Variants in PRELID2 observed in about 807,000 individuals in gnomAD.
PRELID2 encodes the protein PRELI domain-containing protein 2.
A neutral mutation model predicts 28.4 loss-of-function variants in PRELID2; 25 were observed. The observed-to-expected ratio is 0.88, with a 90% CI of 0.64 to 1.23. The LOEUF (loss-of-function observed/expected upper bound fraction) is 1.23, where lower values mean the gene tolerates loss of function less well. PRELID2 is among the 50% of genes most tolerant of loss of function. The probability of loss-of-function intolerance (pLI) is 0.00; values close to 1 mark genes in which losing one functional copy is unlikely to be tolerated. For synonymous variants in PRELID2, 76 were observed against 71.6 expected (o/e 1.06, Z -0.31); for missense variants, 201 against 214.4 (o/e 0.94, Z 0.39).
intron 1 of PRELID2, among the ~76,000 whole-genome samples, chr5:145,651,062 T>C (rs1754287914): frequency 1.3e-5 from 2 of 152,174 alleles, no homozygotes; most frequent in African/African-American, 4.8e-5. Flanking sequence ...CTCACCCTAA[T>C]ACTGTGCTTT....
chr5:145,612,622 C>T (rs1219264315), intron 1 of PRELID2, among the ~76,000 whole-genome samples: 1 of 152,064 alleles, frequency 6.6e-6, no homozygotes, highest in South Asian at 2.1e-4. Flanking sequence ...TTCCACCCTT[C>T]CCCCCAAGCC....
At chr5:145,707,935 T>G (rs894917779) in intron 1 of PRELID2, among the ~76,000 whole-genome samples, 4 of 152,294 alleles carry the variant, frequency 2.6e-5, no homozygotes, top group African/African-American at 9.6e-5. Flanking sequence ...CACACAATCT[T>G]GCCTTGTTCA....
intron 1 of PRELID2, among the ~76,000 whole-genome samples, chr5:145,561,920 T>C (rs1176898668): frequency 6.6e-6 from 1 of 152,206 alleles, no homozygotes; most frequent in African/African-American, 2.4e-5. Context: ...TCATGCATTT[T>C]GGAGGGGCAA....
the PRELID2 span, among the ~76,000 whole-genome samples, chr5:145,308,381 T>A: frequency 6.6e-6 from 1 of 152,228 alleles, no homozygotes; most frequent in Non-Finnish European, 1.5e-5. Context: ...TTGCCTTCCT[T>A]TTCTGTAACG....
the PRELID2 span, among the ~76,000 whole-genome samples, chr5:145,417,427 C>A: frequency 6.6e-6 from 1 of 152,072 alleles, no homozygotes; most frequent in African/African-American, 2.4e-5. Context: ...ATACCAAAAC[C>A]TGGCAGAGAT....
intron 1 of PRELID2, among the ~76,000 whole-genome samples, chr5:145,638,241 C>T (rs547383596): frequency 6.6e-6 from 1 of 152,218 alleles, no homozygotes; most frequent in East Asian, 1.9e-4. Context: ...TAGGAGATGC[C>T]TAACTTAAGC....
chr5:145,310,808 A>G, the PRELID2 span, among the ~76,000 whole-genome samples: 9 of 152,116 alleles, frequency 5.9e-5, no homozygotes, highest in African/African-American at 2.2e-4. Context: ...GTTATTTCAC[A>G]TTAATTAAGA....
the PRELID2 span, among the ~76,000 whole-genome samples, chr5:145,355,945 C>A: frequency 6.6e-6 from 1 of 152,054 alleles, no homozygotes; most frequent in Non-Finnish European, 1.5e-5. Flanking sequence ...AAGGCCATGT[C>A]TACTCCACTC....
chr5:145,515,942 T>A (rs1752511902), intron 1 of PRELID2, among the ~76,000 whole-genome samples: 1 of 152,084 alleles, frequency 6.6e-6, no homozygotes, highest in African/African-American at 2.4e-5. Context: ...ATTCAACAAT[T>A]CTTTATGCTA....
chr5:145,230,022 C>T, the PRELID2 span: 9 of 715,532 alleles, frequency 1.3e-5, no homozygotes, highest in South Asian at 2.8e-5. Flanking sequence ...GAAGGAATAC[C>T]ATTGTCTCCA....
intron 1 of PRELID2, among the ~76,000 whole-genome samples, chr5:145,684,683 T>C (rs1228927509): frequency 6.6e-6 from 1 of 152,168 alleles, no homozygotes; most frequent in Non-Finnish European, 1.5e-5. Flanking sequence ...CTTAAATCCA[T>C]CCCACTTAAA....
At chr5:145,814,882 G>A (rs1260246055) in intron 4 of PRELID2, among the ~76,000 whole-genome samples, 1 of 152,184 alleles carries the variant, frequency 6.6e-6, no homozygotes, top group Non-Finnish European at 1.5e-5. Flanking sequence ...AAGTGCTGAC[G>A]CTGTTGTAAG....
the PRELID2 span, among the ~76,000 whole-genome samples, chr5:145,233,280 T>C: frequency 1.3e-5 from 2 of 152,120 alleles, no homozygotes; most frequent in Non-Finnish European, 2.9e-5. Flanking sequence ...CAGGTTCTCT[T>C]TGTCTGCTCC....
intron 1 of PRELID2, among the ~76,000 whole-genome samples, chr5:145,499,405 C>T (rs1752338858): frequency 6.6e-6 from 1 of 152,044 alleles, no homozygotes; most frequent in African/African-American, 2.4e-5. Context: ...TTCTGAAGTT[C>T]TCAATTTTTT....
intron 1 of PRELID2, among the ~76,000 whole-genome samples, chr5:145,507,740 C>T (rs1752424680): frequency 6.6e-6 from 1 of 152,102 alleles, no homozygotes; most frequent in Non-Finnish European, 1.5e-5. Context: ...CACATTAACC[C>T]TAAATGATAT....
chr5:145,790,484 G>A lies in PRELID2; in HGVS notation c.474+5958C>T, dbSNP rs557305197. 4.6e-5 allele frequency among the ~76,000 whole-genome samples: 7 copies of A among 152,098 alleles called. No homozygotes were observed. In the South Asian group the frequency reaches 1.2e-3, roughly 27 times the overall value. On this transcript the variant is annotated intron_variant, in intron 5 of 6. Coordinates refer to ENST00000683046, the MANE Select transcript of PRELID2 (RefSeq NM_205846.3). ...GGTTATCTGAGGCTGGGGGAGGTGC[G>A]AGAGAATAAGGAGATGTTGGCCAAA...
chr5:145,385,902 G>T, the PRELID2 span, among the ~76,000 whole-genome samples: 1 of 151,900 alleles, frequency 6.6e-6, no homozygotes, highest in Non-Finnish European at 1.5e-5. Context: ...GTTCTCATAG[G>T]GTTTGGCTCT....
At chr5:145,735,525 T>A (rs143358676) in intron 1 of PRELID2, among the ~76,000 whole-genome samples, 1 of 152,212 alleles carries the variant, frequency 6.6e-6, no homozygotes, top group Non-Finnish European at 1.5e-5. Context: ...ACTCAAGAAG[T>A]ATACAGATAT....
At chr5:145,337,756 CACACACAT>C in the PRELID2 span, among the ~76,000 whole-genome samples, 126 of 142,082 alleles carry the variant, frequency 8.9e-4, no homozygotes, top group African/African-American at 3.3e-3. Flanking sequence ...CACACACACA[CACACACAT>C]ACACGTACAT....
Sources: allele counts gnomAD v4.1 joint callset (sites outside exome capture counted in the v4.1 genomes callset), GRCh38; gene constraint gnomAD v4.1.1; transcripts MANE v1.5; gene names NCBI Gene and HGNC (gene_info 2026-07-23, HGNC 2026-07-21).